Variants in NEIL3 observed in about 807,000 individuals in gnomAD.
NEIL3 encodes endonuclease 8-like 3.
NEIL3 carries 48 observed loss-of-function variants against 57.5 expected under a neutral mutation model. The observed-to-expected ratio is 0.83, with a 90% CI of 0.66 to 1.06. The LOEUF is 1.06. Among genes scored for constraint, NEIL3 ranks in the 50% least tolerant of loss-of-function variants. The pLI, the probability that NEIL3 is intolerant of heterozygous loss-of-function variation, is 0.00. For synonymous variants in NEIL3, 261 were observed against 253.2 expected (o/e 1.03, Z -0.29); for missense variants, 717 against 739.1 (o/e 0.97, Z 0.35).
intron 2 of NEIL3, among the ~76,000 whole-genome samples, chr4:177,333,897 TGTTCAG>T (rs1284933801): frequency 6.6e-6 from 1 of 152,186 alleles, no homozygotes; most frequent in African/African-American, 2.4e-5. Context: ...GACAGAGACC[TGTTCAG>T]GTTAAGCCTG....
chr4:177,358,172 G>C (rs1029240323), intron 8 of NEIL3, among the ~76,000 whole-genome samples: 2 of 152,182 alleles, frequency 1.3e-5, no homozygotes, highest in Admixed American at 6.5e-5. Flanking sequence ...TTCTGATTCT[G>C]CAGGCAATCA....
chr4:177,335,745 A>T lies in NEIL3; in HGVS notation c.336A>T (p.Lys112Asn). 6.3e-7 allele frequency: 1 copy of T among 1,598,418 alleles called. No homozygotes were observed. Among genetic ancestry groups the T allele is most frequent in the Non-Finnish European group, 8.5e-7 (1 of 1,174,342 alleles). The stretch of plus-strand genomic sequence containing the variant: ...TTAATCCACTTGAGTATAAATATAA[A>T]AATGGAGCTTCTCCTGTTTTGGAAG... Reference protein sequence around the residue: ...IMINPLEYKYKNGASPVLEVQ... With the variant: ...IMINPLEYKYNNGASPVLEVQ... The change falls in exon 3 of 10, where the codon AAA becomes AAT. Residue 112 changes from lysine to asparagine, a missense_variant. Physicochemically the swap from Lys to Asn is moderately conservative, Grantham distance 94. Transcript: ENST00000264596.
At position 177,339,820 on chromosome 4, in the gene NEIL3, T is replaced by C. The variant is rs771097984; in HGVS notation, c.665T>C (p.Met222Thr). The change falls in exon 5 of 10, where the codon ATG becomes ACG. Residue 222 changes from methionine (M) to threonine (T), a missense_variant. By Grantham distance (81) the Met-to-Thr change is moderately conservative. Coordinates refer to ENST00000264596, the MANE Select transcript of NEIL3 (RefSeq NM_018248.3). The stretch of plus-strand genomic sequence containing the variant: ...ACAGATGAACAGATCCATCACCTCA[T>C]GAAAATGATACGTGATTTCAGCATT... ...QLTDEQIHHLMKMIRDFSILF... is the reference protein window; with the variant it reads ...QLTDEQIHHLTKMIRDFSILF... 8.1e-6 allele frequency: 13 copies of C among 1,613,796 alleles called. No individual in the cohort carries two copies. The highest frequency in any genetic ancestry group is 1.3e-5 in the African/African-American group (1 of 74,948).
Position 177,310,231 on chromosome 4 carries a change from C to T in NEIL3, c.156+122C>T, listed in dbSNP as rs181767477. The T allele has an allele frequency of 3.6e-6, 4 of 1,111,502 alleles. No individual in the cohort carries two copies. The East Asian group carries it at 9.3e-5, about 26-fold the overall frequency. The allele number at this position is 1,111,502 out of a possible 1,614,324, so 68.9% of individuals were successfully genotyped here. A position where few individuals can be genotyped will look rare whatever the true frequency, so the allele number is the denominator to read the frequency against. ...CTGGCCCAGGTTTCCTGGGGTCCCA[C>T]CTTTCACAGAGTTTATCGTCACTTT... is the stretch of plus-strand genomic sequence containing the variant. On this transcript the variant is annotated intron_variant, in intron 1 of 9. Coordinates refer to ENST00000264596, the MANE Select transcript of NEIL3 (RefSeq NM_018248.3).
chr4:177,364,660 T>G (rs1419798712), downstream of NEIL3, among the ~76,000 whole-genome samples: 1 of 152,134 alleles, frequency 6.6e-6, no homozygotes, highest in Non-Finnish European at 1.5e-5. Context: ...CCGGGCACGG[T>G]GGCTCACACC....
chr4:177,312,399 A>G (rs996827217), intron 1 of NEIL3, among the ~76,000 whole-genome samples: 1 of 152,208 alleles, frequency 6.6e-6, no homozygotes, highest in Non-Finnish European at 1.5e-5. Flanking sequence ...CATAATGCTC[A>G]GTATATAGTA....
intron 2 of NEIL3, among the ~76,000 whole-genome samples, chr4:177,330,583 G>T (rs549765146): frequency 3.3e-5 from 5 of 151,998 alleles, no homozygotes; most frequent in Non-Finnish European, 4.4e-5. Context: ...TAATAAAAAT[G>T]AATGACACCA....
chr4:177,314,741 C>A (rs1288997791), intron 1 of NEIL3, among the ~76,000 whole-genome samples: 2 of 152,182 alleles, frequency 1.3e-5, no homozygotes, highest in East Asian at 1.9e-4. Context: ...AAATTATATT[C>A]TTTGATGACT....
Position 177,309,903 on chromosome 4 carries a change from G to A in NEIL3, c.-51G>A, listed in dbSNP as rs774226011. 1 of 1,578,540 alleles carries A rather than the reference G, an allele frequency of 6.3e-7. No individual in the cohort carries two copies. The highest frequency in any genetic ancestry group is 8.6e-7 in the Non-Finnish European group (1 of 1,164,742). On this transcript the variant is annotated 5_prime_UTR_variant, in exon 1 of 10. Transcript: ENST00000264596. ...CCCGCGCAGCGTTGAGTTGCACAGC[G>A]GTATTCTCACCAGGCCCTGCAATCG...
intron 1 of NEIL3, among the ~76,000 whole-genome samples, chr4:177,315,611 A>G (rs1734559403): frequency 6.6e-6 from 1 of 152,210 alleles, no homozygotes; most frequent in Non-Finnish European, 1.5e-5. Flanking sequence ...CCTAGATTCT[A>G]TGGTAGGACA....
At chr4:177,314,132 T>G (rs1734526112) in intron 1 of NEIL3, among the ~76,000 whole-genome samples, 1 of 152,210 alleles carries the variant, frequency 6.6e-6, no homozygotes, top group Non-Finnish European at 1.5e-5. Context: ...TTAGAGAACA[T>G]GCATTATATA....
Position 177,341,587 on chromosome 4 carries a change from A to G in NEIL3, c.814A>G (p.Met272Val). ...GTGCCGCTTTGGGGACAATAACAGA[A>G]TGACATATTTCTGTCCTCACTGTCA... ...TVCRFGDNNR[M>V]TYFCPHCQKE... is the part of the protein sequence containing the mutation. Residue 272 changes from methionine (M) to valine (V), a missense_variant, in exon 6 of 10, where the codon ATG (methionine) becomes GTG (valine). Transcript: ENST00000264596. 3.7e-6 allele frequency: 6 copies of G among 1,613,930 alleles called. No homozygotes were observed. The highest frequency in any genetic ancestry group is 3.4e-6 in the Non-Finnish European group (4 of 1,179,930).
chr4:177,321,689 T>A (rs1421573794), intron 1 of NEIL3, among the ~76,000 whole-genome samples: 1 of 152,164 alleles, frequency 6.6e-6, no homozygotes, highest in Non-Finnish European at 1.5e-5. Context: ...GCAAGGCTGA[T>A]GGGGGAAAGG....
chr4:177,351,329 A>C (rs770384321), intron 6 of NEIL3, 51 bp from the exon 7 acceptor site: 2 of 1,327,588 alleles, frequency 1.5e-6, no homozygotes, highest in African/African-American at 2.9e-5. Flanking sequence ...AAATATCCAG[A>C]CAAGAACAAG....
chr4:177,340,473 T>A (rs963140523), intron 5 of NEIL3, among the ~76,000 whole-genome samples: 1 of 152,216 alleles, frequency 6.6e-6, no homozygotes, highest in Non-Finnish European at 1.5e-5. Context: ...TTCTTCACAG[T>A]CCATTTTCTG....
At chr4:177,348,594 G>A (rs1275195144) in intron 6 of NEIL3, among the ~76,000 whole-genome samples, 4 of 152,084 alleles carry the variant, frequency 2.6e-5, no homozygotes, top group Admixed American at 6.5e-5. Context: ...CCAGCATGTG[G>A]TCGAGTTATG....
chr4:177,339,329 G>A (rs1288528529), intron 4 of NEIL3, among the ~76,000 whole-genome samples: 1 of 152,210 alleles, frequency 6.6e-6, no homozygotes, highest in Non-Finnish European at 1.5e-5. Context: ...GTGATGGTCT[G>A]CGCCTGTAAT....
chr4:177,338,777 G>C (rs1276885376), intron 4 of NEIL3, among the ~76,000 whole-genome samples: 1 of 152,138 alleles, frequency 6.6e-6, no homozygotes, highest in Non-Finnish European at 1.5e-5. Context: ...CTTTTCTAAA[G>C]CTCGATAGTG....
At chr4:177,325,631 A>G (rs575658409) in intron 2 of NEIL3, among the ~76,000 whole-genome samples, 1 of 152,230 alleles carries the variant, frequency 6.6e-6, no homozygotes, top group South Asian at 2.1e-4. Flanking sequence ...AGGAATTGCC[A>G]AACTGTTCTT....
Sources: allele counts gnomAD v4.1 joint callset (sites outside exome capture counted in the v4.1 genomes callset), GRCh38; gene constraint gnomAD v4.1.1; transcripts MANE v1.5; gene names NCBI Gene and HGNC (gene_info 2026-07-23, HGNC 2026-07-21).